The following IPO7 variants were observed in gnomAD, a reference collection of about 807,000 sequenced individuals.
IPO7 encodes the protein importin 7, also known as importin-7.
A neutral mutation model predicts 136.4 loss-of-function variants in IPO7; 13 were observed. The observed-to-expected ratio is 0.10, with a 90% CI of 0.06 to 0.15. The LOEUF is 0.15. Among genes scored for constraint, IPO7 ranks in the 10% least tolerant of loss-of-function variants. The pLI is 1.00. For missense variants in IPO7, 857 were observed against 1,240.6 expected, an observed-to-expected ratio of 0.69 and a Z score of 4.65; for synonymous variants, 403 against 404.4, an observed-to-expected ratio of 1.00 and a Z score of 0.04.
intron 2 of IPO7, among the ~76,000 whole-genome samples, chr11:9,405,718 T>C (rs988878163): frequency 4.6e-5 from 7 of 152,240 alleles, no homozygotes; most frequent in Non-Finnish European, 7.3e-5. Context: ...CCACCATGCC[T>C]GGCCATGACT....
At chr11:9,407,024 C>T (rs1224298778) in intron 2 of IPO7, among the ~76,000 whole-genome samples, 1 of 152,170 alleles carries the variant, frequency 6.6e-6, no homozygotes, top group Non-Finnish European at 1.5e-5. Context: ...ATCATGAGAT[C>T]CTTACAGTGC....
chr11:9,429,347 T>A lies in IPO7; in HGVS notation c.1591+151T>A, dbSNP rs557184453. 1,569 of 651,186 alleles carry A rather than the reference T, an allele frequency of 2.4e-3. 4 individuals carry two copies. The highest frequency in any genetic ancestry group is 3.4e-3 in the Non-Finnish European group (1,301 of 386,126). 40.3% of individuals were successfully genotyped at this position (651,186 alleles called of 1,614,324 possible). A position where few individuals can be genotyped will look rare whatever the true frequency, so the allele number is the denominator to read the frequency against. On this transcript the variant is annotated intron_variant, in intron 14 of 24. Transcript: ENST00000379719. Reference sequence around the variant, plus strand: ...CTGGGCAACATCTCTACAAAAAAAATTTTTAAAAATTAACTGGACATAGTG... The same window carrying A: ...CTGGGCAACATCTCTACAAAAAAAAATTTTAAAAATTAACTGGACATAGTG...
chr11:9,429,955 C>T (rs1235405659), intron 15 of IPO7, 121 bp downstream of exon 15: 9 of 624,944 alleles, frequency 1.4e-5, no homozygotes, highest in Non-Finnish European at 1.6e-5. Flanking sequence ...CACCTGGGAT[C>T]GGTTTCATGG....
rs756317955 is a variant in IPO7 at position 9,409,922 on chromosome 11, T to C, written c.321-6T>C. The C allele has an allele frequency of 7.3e-6, 11 of 1,502,232 alleles. No homozygotes were observed. The highest frequency in any genetic ancestry group is 8.9e-6 in the Non-Finnish European group (10 of 1,124,686). The allele number at this position is 1,502,232 out of a possible 1,614,324, so 93.1% of individuals were successfully genotyped here. A position where few individuals can be genotyped will look rare whatever the true frequency, so the allele number is the denominator to read the frequency against. On this transcript the variant is annotated splice_region_variant and splice_polypyrimidine_tract_variant and intron_variant, in intron 3 of 24. Transcript: ENST00000379719. ...TTTTTCCTTACTGTTTTTTTTTGGC[T>C]TCCAGGGTACAGCTTACTACATGCA...
chr11:9,419,559 A>AAAAAAAAAAAAAAAATATATAT, intron 6 of IPO7, among the ~76,000 whole-genome samples: 1 of 116,866 alleles, frequency 8.6e-6, no homozygotes, highest in Non-Finnish European at 1.7e-5. Context: ...AAAAAAAAAA[A>AAAAAAAAAAAAAAAATATATAT]ATATATATAT....
intron 3 of IPO7, 148 bp from the exon 4 acceptor site, chr11:9,409,780 T>C: frequency 2.0e-6 from 1 of 493,416 alleles, no homozygotes. Flanking sequence ...CAGTGACTTA[T>C]TCTGAATCAT....
intron 6 of IPO7, among the ~76,000 whole-genome samples, chr11:9,419,559 A>AAAAAAAATATAT (rs1256216265): frequency 1.3e-4 from 15 of 116,844 alleles, no homozygotes; most frequent in African/African-American, 5.3e-4. Flanking sequence ...AAAAAAAAAA[A>AAAAAAAATATAT]ATATATATAT....
chr11:9,434,843 T>G, intron 18 of IPO7, 91 bp from the exon 19 acceptor site: 2 of 827,756 alleles, frequency 2.4e-6, no homozygotes, highest in Non-Finnish European at 4.1e-6. Context: ...AATGATCTCA[T>G]AGATTTGCCT....
At position 9,408,554 on chromosome 11, in the gene IPO7, T is replaced by C; in HGVS notation, c.235T>C (p.Ser79Pro). The change falls in exon 3 of 25, where the codon TCC (serine) becomes CCC (proline). Residue 79 changes from serine (S) to proline (P), a missense_variant. Transcript: ENST00000379719. ...PDRETAPGDI[S>P]PYTIPEEDRH... Reference sequence around the variant, plus strand: ...TCGAGAAACAGCACCAGGGGATATATCCCCTTATACTATTCCAGAAGAAGA... The same window carrying C: ...TCGAGAAACAGCACCAGGGGATATACCCCCTTATACTATTCCAGAAGAAGA... 6.2e-7 allele frequency: 1 copy of C among 1,608,532 alleles called. No homozygotes were observed.
intron 1 of IPO7, among the ~76,000 whole-genome samples, chr11:9,395,172 C>T (rs957405149): frequency 6.6e-6 from 1 of 152,078 alleles, no homozygotes; most frequent in South Asian, 2.1e-4. Flanking sequence ...CATAATTGCC[C>T]AAATTTTAAA....
intron 16 of IPO7, among the ~76,000 whole-genome samples, chr11:9,432,782 C>G (rs1855314378): frequency 6.6e-6 from 1 of 152,004 alleles, no homozygotes; most frequent in African/African-American, 2.4e-5. Flanking sequence ...TCTTGTCAGT[C>G]TTGAGTTGGG....
rs1183921881 is a variant in IPO7 at position 9,423,764 on chromosome 11, T to G, written c.1042-13T>G. On this transcript the variant is annotated splice_polypyrimidine_tract_variant and intron_variant, in intron 9 of 24. Coordinates refer to ENST00000379719, the MANE Select transcript of IPO7 (RefSeq NM_006391.3). Reference sequence around the variant, plus strand: ...AACTGATGGTTATTGTTTTCTTAACTTTTAAATTGCAGGGCATTATCCAAG... The same window carrying G: ...AACTGATGGTTATTGTTTTCTTAACGTTTAAATTGCAGGGCATTATCCAAG... The G allele has an allele frequency of 2.0e-6, 3 of 1,521,646 alleles. No individual in the cohort carries two copies. Among genetic ancestry groups the G allele is most frequent in the Non-Finnish European group, 2.7e-6 (3 of 1,117,544 alleles). The allele number at this position is 1,521,646 out of a possible 1,614,324, so 94.3% of individuals were successfully genotyped here.
intron 4 of IPO7, among the ~76,000 whole-genome samples, chr11:9,411,824 C>T (rs1463594417): frequency 1.3e-5 from 2 of 152,078 alleles, no homozygotes; most frequent in Middle Eastern, 3.2e-3. Context: ...ATTTTTTACT[C>T]ATTAGCTTAG....
intron 8 of IPO7, among the ~76,000 whole-genome samples, chr11:9,421,252 C>T (rs1478087139): frequency 2.0e-5 from 3 of 147,710 alleles, no homozygotes; most frequent in South Asian, 2.2e-4. Flanking sequence ...TGAACCCCCA[C>T]CCCCGGCCCA....
chr11:9,394,263 G>GT (rs1165978346), intron 1 of IPO7, among the ~76,000 whole-genome samples: 1 of 152,180 alleles, frequency 6.6e-6, no homozygotes, highest in Non-Finnish European at 1.5e-5. Context: ...TGGAATGCTA[G>GT]TAAGGGGGCA....
At chr11:9,426,754 G>T (rs1855214727) in intron 12 of IPO7, among the ~76,000 whole-genome samples, 1 of 151,596 alleles carries the variant, frequency 6.6e-6, no homozygotes, top group African/African-American at 2.4e-5. Flanking sequence ...GCTTGCCTTT[G>T]TTTTTTTTCT....
At chr11:9,390,325 G>C (rs1413712598) in intron 1 of IPO7, among the ~76,000 whole-genome samples, 1 of 151,550 alleles carries the variant, frequency 6.6e-6, no homozygotes, top group African/African-American at 2.4e-5. Context: ...CACTACCCTG[G>C]ATCACTTTTG....
chr11:9,414,566 TAA>T (rs2133741980), intron 5 of IPO7, 155 bp downstream of exon 5: 1 of 395,812 alleles, frequency 2.5e-6, no homozygotes, highest in Non-Finnish European at 4.5e-6. Flanking sequence ...GCAAAAATTA[TAA>T]GTCTAAACAA....
chr11:9,445,075 T>G, intron 24 of IPO7, 22 bp from the exon 25 acceptor site: 2 of 1,516,852 alleles, frequency 1.3e-6, no homozygotes, highest in Non-Finnish European at 1.8e-6. Context: ...AATGCCCTAC[T>G]AAAATTTTAT....
Sources: allele counts gnomAD v4.1 joint callset (sites outside exome capture counted in the v4.1 genomes callset), GRCh38; gene constraint gnomAD v4.1.1; transcripts MANE v1.5; gene names NCBI Gene and HGNC (gene_info 2026-07-23, HGNC 2026-07-21).